The following NELL1 variants were observed in gnomAD, a reference collection of about 807,000 sequenced individuals.
NELL1 encodes the protein protein kinase C-binding protein NELL1.
A neutral mutation model predicts 107.4 loss-of-function variants in NELL1; 76 were observed. The ratio of observed to expected loss-of-function variants is 0.71; its 90% CI spans 0.59 to 0.86. The LOEUF is 0.86. NELL1 is among the 40% of genes least tolerant of loss of function. The probability of loss-of-function intolerance (pLI) is 0.00; values close to 1 mark genes in which losing one functional copy is unlikely to be tolerated. For missense variants in NELL1, 1,024 were observed against 1,005.5 expected (o/e 1.02, Z -0.25); for synonymous variants, 353 against 341.2 (o/e 1.03, Z -0.38).
At chr11:20,835,056 C>A (rs1411120788) in intron 3 of NELL1, among the ~76,000 whole-genome samples, 1 of 152,134 alleles carries the variant, frequency 6.6e-6, no homozygotes, top group Non-Finnish European at 1.5e-5. Flanking sequence ...TTCTTTGTTG[C>A]CTGAGCATGC....
At chr11:20,949,909 A>G (rs1851037633) in intron 11 of NELL1, among the ~76,000 whole-genome samples, 1 of 152,190 alleles carries the variant, frequency 6.6e-6, no homozygotes, top group Non-Finnish European at 1.5e-5. Context: ...TCAGCCAGGA[A>G]ACAGCCAGCT....
intron 2 of NELL1, among the ~76,000 whole-genome samples, chr11:20,756,123 G>T (rs868658545): frequency 1.3e-5 from 2 of 149,744 alleles, no homozygotes; most frequent in African/African-American, 4.9e-5. Flanking sequence ...CTCGTGATCC[G>T]CCTGCCTCGG....
At chr11:20,834,206 A>C (rs1848488659) in intron 3 of NELL1, among the ~76,000 whole-genome samples, 2 of 152,128 alleles carry the variant, frequency 1.3e-5, no homozygotes, top group Admixed American at 6.5e-5. Flanking sequence ...GAATGGATAA[A>C]TGTGGTAGAT....
intron 2 of NELL1, among the ~76,000 whole-genome samples, chr11:20,681,546 C>G (rs969132066): frequency 6.6e-6 from 1 of 152,020 alleles, no homozygotes; most frequent in African/African-American, 2.4e-5. Context: ...AATTTTCCAG[C>G]CTATTATCCA....
intron 15 of NELL1, among the ~76,000 whole-genome samples, chr11:21,436,012 CA>C (rs1164038673): frequency 6.6e-6 from 1 of 151,992 alleles, no homozygotes; most frequent in Non-Finnish European, 1.5e-5. Context: ...GATTCAATCT[CA>C]TTATGTGTTA....
chr11:21,336,173 TA>T lies in NELL1; in HGVS notation c.1550-34677del, dbSNP rs371969826. Reference sequence around the variant, plus strand: ...TGACATTAAACCTGCCCTTAGACATTAAACTAGAACCTTTTTATGTATATAT... The same window carrying T: ...TGACATTAAACCTGCCCTTAGACATTAACTAGAACCTTTTTATGTATATAT... On this transcript the variant is annotated intron_variant, in intron 14 of 19. Transcript: ENST00000357134. 1.8e-3 allele frequency among the ~76,000 whole-genome samples: 275 copies of T among 152,162 alleles called. 8 individuals are homozygous for T. In the South Asian group the frequency reaches 0.054, roughly 30 times the overall value.
intron 15 of NELL1, among the ~76,000 whole-genome samples, chr11:21,451,932 T>G (rs1853597893): frequency 6.6e-6 from 1 of 152,146 alleles, no homozygotes; most frequent in Non-Finnish European, 1.5e-5. Flanking sequence ...TCATTAAAAT[T>G]GGAATGGCTT....
In NELL1 at chr11:21,166,639, C is replaced by T. The variant is rs554383967; in HGVS notation, c.1426+52925C>T. Among the ~76,000 whole-genome samples, 49 of 151,746 alleles carry T rather than the reference C, an allele frequency of 3.2e-4. 1 individual carries two copies. The highest frequency in any genetic ancestry group is 8.0e-4 in the African/African-American group (33 of 41,172). ...AAATAATAAAAAAGAGACTTAGAAG[C>T]GCACAAAAAATCTGTCTTTTCTCTA... is the stretch of plus-strand genomic sequence containing the variant. On this transcript the variant is annotated intron_variant, in intron 13 of 19. Coordinates refer to ENST00000357134, the MANE Select transcript of NELL1 (RefSeq NM_006157.5).
At chr11:20,872,011 T>C (rs1273305079) in intron 4 of NELL1, among the ~76,000 whole-genome samples, 54 of 80,446 alleles carry the variant, frequency 6.7e-4, no homozygotes, top group African/African-American at 2.5e-3. Flanking sequence ...AGAGAAAGAC[T>C]CCGTCTCAAA....
chr11:20,970,049 CTCTG>C (rs1232684396), intron 12 of NELL1, among the ~76,000 whole-genome samples: 2 of 102,448 alleles, frequency 2.0e-5, no homozygotes, highest in Non-Finnish European at 3.9e-5. Flanking sequence ...TAATCTATCT[CTCTG>C]TCCATCCATC....
chr11:20,672,839 G>A (rs1853946910), intron 1 of NELL1, among the ~76,000 whole-genome samples: 2 of 149,978 alleles, frequency 1.3e-5, no homozygotes, highest in Admixed American at 1.3e-4. Context: ...GCCACCTGCT[G>A]GAAAGGAGAG....
chr11:20,866,273 G>C (rs1470461512), intron 4 of NELL1, among the ~76,000 whole-genome samples: 2 of 152,102 alleles, frequency 1.3e-5, no homozygotes, highest in Non-Finnish European at 2.9e-5. Flanking sequence ...AGCACATCTG[G>C]CAGGAGAACA....
chr11:20,812,679 G>A (rs1442769499), intron 3 of NELL1, among the ~76,000 whole-genome samples: 2 of 152,122 alleles, frequency 1.3e-5, no homozygotes, highest in Non-Finnish European at 2.9e-5. Flanking sequence ...AGAAATCATG[G>A]TTTGGATTAG....
chr11:20,972,670 C>A (rs192893372), intron 12 of NELL1, among the ~76,000 whole-genome samples: 6 of 152,054 alleles, frequency 3.9e-5, no homozygotes, highest in South Asian at 4.2e-4. Context: ...GAGTGTTGAG[C>A]GCAGAGAGAA....
chr11:21,311,251 C>T (rs1849743593), intron 14 of NELL1, among the ~76,000 whole-genome samples: 1 of 152,048 alleles, frequency 6.6e-6, no homozygotes, highest in Non-Finnish European at 1.5e-5. Flanking sequence ...TATATTAGAA[C>T]AGAAAGACAG....
rs188445435 is a variant in NELL1 at position 21,265,125 on chromosome 11, C to A, written c.1549+35671C>A. On this transcript the variant is annotated intron_variant, in intron 14 of 19. Transcript: ENST00000357134. ...GTAATCTTGAGTCTTCACCTGTCAT[C>A]TTTTCAAGAAAGGCTAACTTTTGCT... Among the ~76,000 whole-genome samples, 3 of 152,054 alleles carry A rather than the reference C, an allele frequency of 2.0e-5. No individual in the cohort carries two copies. In the South Asian group the frequency reaches 6.2e-4, roughly 31 times the overall value.
chr11:20,781,966 G>A (rs11820481), intron 2 of NELL1, among the ~76,000 whole-genome samples: 40,736 of 149,600 alleles, frequency 0.27, 6,453 homozygotes, highest in African/African-American at 0.43. Context: ...GCTTGAGCCC[G>A]GGAGGTGGAG....
At position 20,983,634 on chromosome 11, in the gene NELL1, T is replaced by C. The variant is rs537195926; in HGVS notation, c.1300+23074T>C. On this transcript the variant is annotated intron_variant, in intron 12 of 19. Transcript: ENST00000357134. ...CTCACTTGTTTTTATCTACTGAGTA[T>C]CTTTTCAAATCATCAACTCCCCTCC... Among the ~76,000 whole-genome samples, 3 of 152,314 alleles carry C rather than the reference T, an allele frequency of 2.0e-5. No homozygotes were observed. In the South Asian group the frequency reaches 6.2e-4, roughly 32 times the overall value.
intron 14 of NELL1, among the ~76,000 whole-genome samples, 157 bp downstream of exon 14, chr11:21,229,611 A>G (rs1278365114): frequency 6.6e-6 from 1 of 152,232 alleles, no homozygotes; most frequent in Non-Finnish European, 1.5e-5. Flanking sequence ...TCAGGGAAAA[A>G]GAAAAATGCT....
Sources: allele counts gnomAD v4.1 joint callset (sites outside exome capture counted in the v4.1 genomes callset), GRCh38; gene constraint gnomAD v4.1.1; transcripts MANE v1.5; gene names NCBI Gene and HGNC (gene_info 2026-07-23, HGNC 2026-07-21).